Variants in PIEZO2 observed in about 807,000 individuals in gnomAD.
The protein encoded by PIEZO2 is piezo type mechanosensitive ion channel component 2.
A neutral mutation model predicts 337.3 loss-of-function variants in PIEZO2; 172 were observed. That is an observed-to-expected ratio of 0.51 (90% CI 0.45 to 0.58). The LOEUF is 0.58. Among genes scored for constraint, PIEZO2 ranks in the 20% least tolerant of loss-of-function variants. The pLI is 0.00. For missense variants in PIEZO2, 3,028 were observed against 3,391.3 expected (o/e 0.89, Z 2.66); for synonymous variants, 1,251 against 1,228.5 (o/e 1.02, Z -0.38).
intron 7 of PIEZO2, among the ~76,000 whole-genome samples, chr18:10,827,375 CT>C (rs2040706111): frequency 6.6e-6 from 1 of 152,158 alleles, no homozygotes; most frequent in African/African-American, 2.4e-5. Context: ...ACTACAAAGA[CT>C]TTTGATTAAA....
rs758810248 is a variant in PIEZO2, at chr18:10,680,227, A to G, written c.7924T>C (p.Ser2642Pro). The change falls in exon 52 of 56, where the codon TCT (serine) becomes CCT (proline). Residue 2642 changes from serine (S) to proline (P), a missense_variant. Ser to Pro is a moderately conservative substitution (Grantham distance 74, BLOSUM62 -1). Coordinates refer to ENST00000674853, the MANE Select transcript of PIEZO2 (RefSeq NM_001378183.1). ...TGAATACTCCATGAAAAAACAACAG[A>G]GAAGCTACTATTGGGGTCCAGGAGT... ...HELLDPNSSFSVVFSWSIQRN... is the reference protein window; with the variant it reads ...HELLDPNSSFPVVFSWSIQRN... 7.4e-6 allele frequency: 12 copies of G among 1,613,634 alleles called. No homozygotes were observed. The highest frequency in any genetic ancestry group is 2.2e-5 in the South Asian group (2 of 90,978).
chr18:10,968,636 G>GA (rs2034111714), intron 3 of PIEZO2, among the ~76,000 whole-genome samples: 1 of 146,190 alleles, frequency 6.8e-6, no homozygotes, highest in South Asian at 2.1e-4. Flanking sequence ...GCAAGGTAAA[G>GA]AAAAAATATT....
chr18:10,786,243 T>C (rs1172243343), intron 16 of PIEZO2, among the ~76,000 whole-genome samples: 2 of 152,250 alleles, frequency 1.3e-5, no homozygotes, highest in East Asian at 3.8e-4. Flanking sequence ...AGACTTATTT[T>C]ACACTAAATA....
chr18:10,874,784 CAG>C (rs1053147414), intron 4 of PIEZO2, among the ~76,000 whole-genome samples: 2 of 152,006 alleles, frequency 1.3e-5, no homozygotes, highest in African/African-American at 4.8e-5. Context: ...GCAGAGAATA[CAG>C]AGAGGTGGTA....
At chr18:10,904,724 C>G (rs1331301478) in intron 4 of PIEZO2, among the ~76,000 whole-genome samples, 1 of 152,252 alleles carries the variant, frequency 6.6e-6, no homozygotes, top group African/African-American at 2.4e-5. Flanking sequence ...AGAAGAGCCA[C>G]AGTCAATCCA....
chr18:10,994,558 T>C (rs8085765), intron 2 of PIEZO2, among the ~76,000 whole-genome samples: 76,795 of 151,186 alleles, frequency 0.51, 19,762 homozygotes, highest in African/African-American at 0.57. Context: ...TACAGGTGCA[T>C]GCCACCATGC....
rs2041710708 is a variant in PIEZO2 at position 10,856,561 on chromosome 18, A to G, written c.703+440T>C. On this transcript the variant is annotated intron_variant, in intron 6 of 55. Coordinates refer to ENST00000674853, the MANE Select transcript of PIEZO2 (RefSeq NM_001378183.1). This position sits in a 1 kb window ranked among gnomAD's most constrained non-coding sequence, Gnocchi z 4.7. ...TGGAAGATTACAATCTAACTTAGGAAGAAAAATAGTCTATCCTGGAGAGTT... is the reference window on the plus strand; with the variant it reads ...TGGAAGATTACAATCTAACTTAGGAGGAAAAATAGTCTATCCTGGAGAGTT... Among the ~76,000 whole-genome samples, 1 of 152,198 alleles carries G rather than the reference A, an allele frequency of 6.6e-6. No individual in the cohort carries two copies. Among genetic ancestry groups the G allele is most frequent in the Non-Finnish European group, 1.5e-5 (1 of 68,044 alleles).
In PIEZO2 at chr18:10,679,911, C is replaced by T. The variant is rs566116226; in HGVS notation, c.7952+288G>A. ...TTTGGAATGCAAAAATAAAAAACAG[C>T]AACAACAACAAAAACCCCAAAACCA... On this transcript the variant is annotated intron_variant, in intron 52 of 55. Coordinates refer to ENST00000674853, the MANE Select transcript of PIEZO2 (RefSeq NM_001378183.1). Among the ~76,000 whole-genome samples, 4 of 152,046 alleles carry T rather than the reference C, an allele frequency of 2.6e-5. No homozygotes were observed. The East Asian group carries it at 5.8e-4, about 22-fold the overall frequency.
chr18:10,688,590 G>A (rs983007981), intron 49 of PIEZO2, among the ~76,000 whole-genome samples: 3 of 152,076 alleles, frequency 2.0e-5, no homozygotes, highest in African/African-American at 4.8e-5. Flanking sequence ...TGAAACATAC[G>A]GGAGCTTTTG....
At chr18:11,040,351 T>C (rs2037077090) in intron 2 of PIEZO2, among the ~76,000 whole-genome samples, 1 of 152,212 alleles carries the variant, frequency 6.6e-6, no homozygotes, top group African/African-American at 2.4e-5. Flanking sequence ...TTATTTTTCT[T>C]TATATCTTAA....
At chr18:10,892,928 C>A (rs2042796955) in intron 4 of PIEZO2, among the ~76,000 whole-genome samples, 1 of 152,216 alleles carries the variant, frequency 6.6e-6, no homozygotes, top group Non-Finnish European at 1.5e-5. Context: ...GACATCTCAA[C>A]ATTCAGAAAG....
At position 11,148,684 on chromosome 18, in the gene PIEZO2, G is replaced by T; in HGVS notation, c.-96C>A. ...CCATGCCCGTCTATGGCCTCTCGCC[G>T]CCGGCAGCTCGCAGCCACCCGAGCA... On this transcript the variant is annotated 5_prime_UTR_variant, in exon 1 of 56. Coordinates refer to ENST00000674853, the MANE Select transcript of PIEZO2 (RefSeq NM_001378183.1). The surrounding 1 kb of genome is among the most constrained non-coding windows in gnomAD (Gnocchi z 5.2). The T allele has an allele frequency of 7.5e-7, 1 of 1,331,594 alleles. No individual in the cohort carries two copies. Among genetic ancestry groups the T allele is most frequent in the Non-Finnish European group, 1.0e-6 (1 of 970,280 alleles). The allele number at this position is 1,331,594 out of a possible 1,614,324, so 82.5% of individuals were successfully genotyped here.
chr18:10,950,887 C>T (rs1242624383), intron 3 of PIEZO2, among the ~76,000 whole-genome samples: 3 of 152,200 alleles, frequency 2.0e-5, no homozygotes, highest in Non-Finnish European at 4.4e-5. Flanking sequence ...AAGCAGTCTC[C>T]TTTTCTAAAA....
intron 1 of PIEZO2, among the ~76,000 whole-genome samples, chr18:11,107,195 T>C (rs2039595477): frequency 6.6e-6 from 1 of 152,176 alleles, no homozygotes; most frequent in Non-Finnish European, 1.5e-5. Flanking sequence ...TCCCGTAGGG[T>C]TGCTGTGAGG....
At position 10,773,708 on chromosome 18, in the gene PIEZO2, T is replaced by C; in HGVS notation, c.2568-79A>G. 3.0e-6 allele frequency: 4 copies of C among 1,336,474 alleles called. No homozygotes were observed. Among genetic ancestry groups the C allele is most frequent in the Middle Eastern group, 2.3e-4 (1 of 4,292 alleles). The allele number at this position is 1,336,474 out of a possible 1,614,324, so 82.8% of individuals were successfully genotyped here. On this transcript the variant is annotated intron_variant, in intron 19 of 55. Coordinates refer to ENST00000674853, the MANE Select transcript of PIEZO2 (RefSeq NM_001378183.1). The surrounding 1 kb of genome is among the most constrained non-coding windows in gnomAD (Gnocchi z 5.3). ...GACTGAGGGGCAAGTAAAAGGAGGA[T>C]AAACACAAATGAAATCAGTGCATGT...
chr18:11,114,755 C>T (rs538266378), intron 1 of PIEZO2, among the ~76,000 whole-genome samples: 37 of 151,872 alleles, frequency 2.4e-4, no homozygotes, highest in Admixed American at 1.5e-3. Flanking sequence ...GTTAACAGGA[C>T]GGGATAGAGA....
chr18:10,817,755 C>A lies in PIEZO2; in HGVS notation c.918-10481G>T, dbSNP rs551236741. On this transcript the variant is annotated intron_variant, in intron 7 of 55. Transcript: ENST00000674853. ...TGGCTAACACAGTGAAACCCAGTCT[C>A]TACTAAAAATACAAAAAATTAGCTG... 7.9e-5 allele frequency among the ~76,000 whole-genome samples: 12 copies of A among 152,060 alleles called. No homozygotes were observed. In the East Asian group the frequency reaches 2.3e-3, roughly 29 times the overall value.
intron 15 of PIEZO2, among the ~76,000 whole-genome samples, chr18:10,787,747 G>A (rs4797484): frequency 0.84 from 128,141 of 152,236 alleles, 53,998 homozygotes; most frequent in East Asian, 0.93. Flanking sequence ...AACATATTAT[G>A]TACTCTTGTT....
In PIEZO2 at chr18:10,888,387, T is replaced by C. The variant is rs2042666757; in HGVS notation, c.330-16972A>G. ...TCTGACACAGTAAGGTTTTTAGGCC[T>C]GTCTTCTACTTTCTCTGCTCCAAGC... On this transcript the variant is annotated intron_variant, in intron 4 of 55. Transcript: ENST00000674853. This position sits in a 1 kb window ranked among gnomAD's most constrained non-coding sequence, Gnocchi z 4.1. Among the ~76,000 whole-genome samples, 1 of 152,194 alleles carries C rather than the reference T, an allele frequency of 6.6e-6. No individual in the cohort carries two copies. The highest frequency in any genetic ancestry group is 2.4e-5 in the African/African-American group (1 of 41,446).
Sources: gnomAD v4.1 joint callset for allele counts (sites outside exome capture counted in the v4.1 genomes callset) on GRCh38, gnomAD v4.1.1 for gene constraint, Gnocchi (gnomAD v3.1) non-coding constraint, MANE v1.5 for transcripts, NCBI Gene and HGNC (gene_info 2026-07-23, HGNC 2026-07-21) for gene names.